Variants in UNC5C observed in about 807,000 individuals in gnomAD.
UNC5C encodes unc-5 netrin receptor C, also known as netrin receptor UNC5C.
In UNC5C, 47 loss-of-function variants were observed where a neutral mutation model predicts 99.8. That is an observed-to-expected ratio of 0.47 (90% confidence interval 0.37 to 0.60). UNC5C has a LOEUF of 0.60. UNC5C is among the 20% of genes least tolerant of loss of function. UNC5C has a pLI of 0.00. For synonymous variants in UNC5C, 487 were observed against 452.2 expected, an observed-to-expected ratio of 1.08 and a Z score of -0.98; for missense variants, 1,062 against 1,165.9, an observed-to-expected ratio of 0.91 and a Z score of 1.30.
Position 95,166,561 on chromosome 4 carries a change from G to A in UNC5C, c.*2673C>T, listed in dbSNP as rs562558479. On this transcript the variant is annotated 3_prime_UTR_variant, in exon 16 of 16. Transcript: ENST00000453304. ...TTGTGTTCAATAGTTCTGTGTTGGT[G>A]ACTTTTTAGTCAAAATAAGTTTTTA... 5 of 152,268 alleles carry A rather than the reference G, an allele frequency of 3.3e-5. No individual in the cohort carries two copies. In the South Asian group the frequency reaches 8.3e-4, roughly 25 times the overall value. The allele number at this position is 152,268 out of a possible 1,614,324, so 9.4% of individuals were successfully genotyped here. A position where few individuals can be genotyped will look rare whatever the true frequency, so the allele number is the denominator to read the frequency against.
At chr4:95,233,793 G>GGC (rs1439183997) in intron 7 of UNC5C, among the ~76,000 whole-genome samples, 3 of 152,062 alleles carry the variant, frequency 2.0e-5, no homozygotes, top group African/African-American at 7.2e-5. Context: ...AAATTAGGTG[G>GGC]GTAGGGTGGC....
intron 1 of UNC5C, among the ~76,000 whole-genome samples, chr4:95,518,474 AT>A (rs375018858): frequency 6.6e-6 from 1 of 152,156 alleles, no homozygotes; most frequent in Non-Finnish European, 1.5e-5. Context: ...TAGTCAAAAT[AT>A]TTTTTAAATT....
In UNC5C at chr4:95,183,047, G is replaced by A; in HGVS notation, c.2301C>T (p.Tyr767=). 1 of 1,605,952 alleles carries A rather than the reference G, an allele frequency of 6.2e-7. No individual in the cohort carries two copies. The highest frequency in any genetic ancestry group is 8.5e-7 in the Non-Finnish European group (1 of 1,173,654). The change falls in exon 14 of 16, where the codon TAC becomes TAT. Residue 767 remains tyrosine, a synonymous_variant. Transcript: ENST00000453304. ...LLAKYQEIPF[Y]HVWSGSQRNL... ...TTCTTTGAGATCCACTCCAAACATG[G>A]TAAAATGGAATTTCCTAAAGGATAT... is the stretch of plus-strand genomic sequence containing the variant.
chr4:95,312,635 CAT>C (rs1367816657), intron 2 of UNC5C, among the ~76,000 whole-genome samples: 1 of 152,122 alleles, frequency 6.6e-6, no homozygotes, highest in African/African-American at 2.4e-5. Context: ...TTTATATCCA[CAT>C]GTGTCTGAAT....
intron 1 of UNC5C, among the ~76,000 whole-genome samples, chr4:95,472,638 T>C (rs1748010602): frequency 6.6e-6 from 1 of 152,074 alleles, no homozygotes; most frequent in Non-Finnish European, 1.5e-5. Context: ...ACATATAAAT[T>C]CACCTTTCAA....
intron 1 of UNC5C, among the ~76,000 whole-genome samples, chr4:95,365,536 C>T (rs1211907112): frequency 1.3e-5 from 2 of 150,830 alleles, no homozygotes; most frequent in African/African-American, 4.9e-5. Context: ...TACAATAATA[C>T]CCTTACTGAA....
intron 4 of UNC5C, among the ~76,000 whole-genome samples, chr4:95,273,606 C>A (rs982921403): frequency 5.9e-5 from 9 of 152,128 alleles, no homozygotes; most frequent in East Asian, 3.9e-4. Flanking sequence ...AAGGCAAATG[C>A]CTCACCAGAA....
At chr4:95,476,050 C>T (rs143575673) in intron 1 of UNC5C, among the ~76,000 whole-genome samples, 191 of 152,180 alleles carry the variant, frequency 1.3e-3, no homozygotes, top group African/African-American at 4.3e-3. Context: ...AATAACTTAA[C>T]GGGCCCATTT....
At chr4:95,170,758 G>A (rs1431733356) in intron 14 of UNC5C, among the ~76,000 whole-genome samples, 2 of 152,196 alleles carry the variant, frequency 1.3e-5, no homozygotes, top group Non-Finnish European at 2.9e-5. Context: ...CAAGGCTTCT[G>A]GAAACAGCCT....
At chr4:95,458,715 G>A (rs1424278228) in intron 1 of UNC5C, among the ~76,000 whole-genome samples, 2 of 151,934 alleles carry the variant, frequency 1.3e-5, no homozygotes, top group African/African-American at 2.4e-5. Flanking sequence ...AGGAATAAAT[G>A]AATGATAATA....
intron 10 of UNC5C, among the ~76,000 whole-genome samples, chr4:95,209,180 G>A (rs561649147): frequency 1.3e-5 from 2 of 152,274 alleles, no homozygotes; most frequent in Non-Finnish European, 2.9e-5. Context: ...TTTCTAAAAT[G>A]GGGCTCACAA....
At chr4:95,171,591 G>A (rs1736112240) in intron 14 of UNC5C, among the ~76,000 whole-genome samples, 1 of 152,042 alleles carries the variant, frequency 6.6e-6, no homozygotes, top group African/African-American at 2.4e-5. Context: ...TGGCTGCATA[G>A]TATTCCATGG....
chr4:95,267,621 A>T (rs1424560326), intron 4 of UNC5C, among the ~76,000 whole-genome samples: 1 of 152,144 alleles, frequency 6.6e-6, no homozygotes, highest in East Asian at 1.9e-4. Context: ...TTATCTTCTG[A>T]TACACTTTGA....
intron 1 of UNC5C, among the ~76,000 whole-genome samples, chr4:95,387,437 A>G (rs1745244293): frequency 6.6e-6 from 1 of 151,694 alleles, no homozygotes; most frequent in African/African-American, 2.4e-5. Context: ...ACCTCAGCTG[A>G]CTCCTTTTTG....
intron 14 of UNC5C, among the ~76,000 whole-genome samples, chr4:95,174,412 G>C (rs1242679806): frequency 6.6e-6 from 1 of 152,062 alleles, no homozygotes; most frequent in Non-Finnish European, 1.5e-5. Flanking sequence ...ACACTGCTTT[G>C]AATGGGTCCC....
In UNC5C at chr4:95,395,748, G is replaced by A. The variant is rs1053111684; in HGVS notation, c.125-60117C>T. 3.3e-5 allele frequency among the ~76,000 whole-genome samples: 5 copies of A among 152,150 alleles called. No homozygotes were observed. The South Asian group carries it at 1.0e-3, about 32-fold the overall frequency. ...AGATCCACTATTTCTTCAGCAGACA[G>A]GCCAAAAAAGCTGTAGGGCAGAGAG... On this transcript the variant is annotated intron_variant, in intron 1 of 15. Coordinates refer to ENST00000453304, the MANE Select transcript of UNC5C (RefSeq NM_003728.4).
At chr4:95,473,291 G>C (rs959043793) in intron 1 of UNC5C, among the ~76,000 whole-genome samples, 3 of 152,038 alleles carry the variant, frequency 2.0e-5, no homozygotes, top group Admixed American at 6.6e-5. Context: ...AGATACAATA[G>C]CTTAAGATTT....
At chr4:95,481,479 T>C (rs1444690806) in intron 1 of UNC5C, among the ~76,000 whole-genome samples, 1 of 151,978 alleles carries the variant, frequency 6.6e-6, no homozygotes, top group African/African-American at 2.4e-5. Flanking sequence ...AAGCTACCAA[T>C]GACTTTCTTC....
At chr4:95,481,358 G>A (rs1446394067) in intron 1 of UNC5C, among the ~76,000 whole-genome samples, 1 of 151,968 alleles carries the variant, frequency 6.6e-6, no homozygotes, top group Non-Finnish European at 1.5e-5. Context: ...CGAAATAAAA[G>A]AGGATACAAA....
Sources: allele counts gnomAD v4.1 joint callset (sites outside exome capture counted in the v4.1 genomes callset), GRCh38; gene constraint gnomAD v4.1.1; transcripts MANE v1.5; gene names NCBI Gene and HGNC (gene_info 2026-07-23, HGNC 2026-07-21).